Variants in BAZ2B observed in about 807,000 individuals in gnomAD.
BAZ2B encodes bromodomain adjacent to zinc finger domain 2B.
In BAZ2B, 91 loss-of-function variants were observed where a neutral mutation model predicts 246.0. The observed-to-expected ratio is 0.37, with a 90% confidence interval of 0.31 to 0.44. The LOEUF (loss-of-function observed/expected upper bound fraction) is 0.44. Ranked by LOEUF, BAZ2B falls within the 20% of genes least tolerant of loss-of-function variation. BAZ2B has a pLI of 1.00. For synonymous variants in BAZ2B, 855 were observed against 860.0 expected (o/e 0.99, Z 0.10); for missense variants, 2,332 against 2,533.7 (o/e 0.92, Z 1.71).
intron 14 of BAZ2B, among the ~76,000 whole-genome samples, chr2:159,410,672 T>C (rs2149885846): frequency 6.6e-6 from 1 of 152,294 alleles, no homozygotes; most frequent in South Asian, 2.1e-4. Flanking sequence ...CTAATACACA[T>C]ACTAAGATAA....
intron 16 of BAZ2B, among the ~76,000 whole-genome samples, chr2:159,401,536 A>C (rs2149754164): frequency 6.6e-6 from 1 of 152,318 alleles, no homozygotes; most frequent in African/African-American, 2.4e-5. Context: ...TGAATAGCAT[A>C]ATATAACATT....
chr2:159,518,564 A>C (rs2083694473), intron 2 of BAZ2B, among the ~76,000 whole-genome samples: 1 of 152,200 alleles, frequency 6.6e-6, no homozygotes, highest in Non-Finnish European at 1.5e-5. Flanking sequence ...AGGAGGAAGA[A>C]AGTTTCCTAC....
chr2:159,554,861 A>G (rs535363349), intron 2 of BAZ2B, among the ~76,000 whole-genome samples: 12 of 152,244 alleles, frequency 7.9e-5, no homozygotes, highest in Non-Finnish European at 1.3e-4. Flanking sequence ...GTTTTTCTTT[A>G]GGTAATATAT....
the BAZ2B span, among the ~76,000 whole-genome samples, chr2:159,626,096 T>C: frequency 5.8e-4 from 88 of 151,504 alleles, no homozygotes; most frequent in Non-Finnish European, 1.2e-3. Flanking sequence ...CATTACATAA[T>C]AGTAAAGGGA....
intron 2 of BAZ2B, among the ~76,000 whole-genome samples, chr2:159,484,837 T>C (rs1159069031): frequency 6.9e-6 from 1 of 145,374 alleles, no homozygotes; most frequent in Admixed American, 6.8e-5. Flanking sequence ...AGCAAGGTAA[T>C]AAAAAAAAAA....
chr2:159,391,327 T>C (rs1423199090), intron 20 of BAZ2B, among the ~76,000 whole-genome samples: 3 of 152,104 alleles, frequency 2.0e-5, no homozygotes, highest in Non-Finnish European at 4.4e-5. Flanking sequence ...CTATATACCA[T>C]CTAAGGTTTG....
At chr2:159,649,027 G>A in the BAZ2B span, among the ~76,000 whole-genome samples, 1 of 152,114 alleles carries the variant, frequency 6.6e-6, no homozygotes, top group Non-Finnish European at 1.5e-5. Context: ...ATAGGTGTGT[G>A]GTGTTATCTG....
At chr2:159,372,367 A>G (rs954122078) in intron 27 of BAZ2B, among the ~76,000 whole-genome samples, 6 of 152,266 alleles carry the variant, frequency 3.9e-5, no homozygotes, top group Non-Finnish European at 5.9e-5. Flanking sequence ...AAGCACTAAC[A>G]TAACACTTTT....
intron 1 of BAZ2B, among the ~76,000 whole-genome samples, chr2:159,585,608 AAT>A (rs2151662290): frequency 6.6e-6 from 1 of 152,364 alleles, no homozygotes; most frequent in East Asian, 1.9e-4. Flanking sequence ...GCCATTTTTA[AAT>A]ATGTTAAGTA....
At chr2:159,531,321 AT>A (rs1207720693) in intron 2 of BAZ2B, among the ~76,000 whole-genome samples, 2 of 152,022 alleles carry the variant, frequency 1.3e-5, no homozygotes, top group South Asian at 2.1e-4. Context: ...TCTAAAAAAA[AT>A]TTTTTTCGAT....
the BAZ2B span, among the ~76,000 whole-genome samples, chr2:159,675,614 G>C: frequency 6.6e-6 from 1 of 152,164 alleles, no homozygotes. Context: ...ATAATGTACA[G>C]AAAATGATTC....
chr2:159,681,112 C>T, the BAZ2B span, among the ~76,000 whole-genome samples: 4 of 151,860 alleles, frequency 2.6e-5, no homozygotes, highest in Admixed American at 2.0e-4. Flanking sequence ...ATCTAAATTC[C>T]AATACTGTAA....
chr2:159,433,298 C>T lies in BAZ2B; in HGVS notation c.1359G>A (p.Lys453=). 1.2e-6 allele frequency: 2 copies of T among 1,614,062 alleles called. No homozygotes were observed. Among genetic ancestry groups the T allele is most frequent in the Non-Finnish European group, 1.7e-6 (2 of 1,180,004 alleles). ...TTGGATTTGACAAAGCTGCAATAAC[C>T]TTCTTCAGGCTCTTCGATGACTCTT... ...KKQESSKSLK[K]VIAALSNPKA... is the part of the protein sequence containing the mutation. Residue 453 remains lysine (K), a synonymous_variant, in exon 9 of 37, where the codon AAG becomes AAA. Coordinates refer to ENST00000392783, the MANE Select transcript of BAZ2B (RefSeq NM_013450.4).
Position 159,383,680 on chromosome 2 carries a change from A to G in BAZ2B, c.3687T>C (p.Ser1229=). 1 of 1,609,222 alleles carries G rather than the reference A, an allele frequency of 6.2e-7. No homozygotes were observed. The highest frequency in any genetic ancestry group is 8.5e-7 in the Non-Finnish European group (1 of 1,177,436). The change falls in exon 24 of 37, where the codon AGT becomes AGC. Residue 1229 remains serine, a splice_region_variant and synonymous_variant. Coordinates refer to ENST00000392783, the MANE Select transcript of BAZ2B (RefSeq NM_013450.4). ...TATAATCAATGTTCTTGTCGATTTC[A>G]CTGCCAATGCAAGAATTTATTAAAA... ...NELACSKSVV[S]EIDKNIDYMS... is the part of the protein sequence containing the mutation.
At position 159,603,886 on chromosome 2, in the gene BAZ2B, T is replaced by C. The variant is rs2151776420; in HGVS notation, c.-46+12356A>G. Among the ~76,000 whole-genome samples the C allele has an allele frequency of 1.3e-5, 2 of 152,356 alleles. 1 individual carries two copies. The highest frequency in any genetic ancestry group is 4.1e-4 in the South Asian group (2 of 4,832). ...TTCATCTTTTGCAGGAATAGGTTCA[T>C]GACACTAACCTGCTGTTTCATTAAT... On this transcript the variant is annotated intron_variant, in intron 1 of 36. Transcript: ENST00000392783.
chr2:159,436,792 A>G (rs1451678608), intron 8 of BAZ2B, among the ~76,000 whole-genome samples: 1 of 152,086 alleles, frequency 6.6e-6, no homozygotes, highest in Non-Finnish European at 1.5e-5. Context: ...AAGAAAGCTG[A>G]CAGAAGATCT....
rs201453437 is a variant in BAZ2B, at chr2:159,605,194, A to AT, written c.-46+11047dup. 9.2e-3 allele frequency among the ~76,000 whole-genome samples: 1,376 copies of AT among 150,068 alleles called. 18 individuals carry two copies. The highest frequency in any genetic ancestry group is 0.03 in the African/African-American group (1,242 of 40,842). The stretch of plus-strand genomic sequence containing the variant: ...GGGTGCATGCCACCACACCCAGCTG[A>AT]TTTTTTTTTTTAAATTTTGTGTAGA... On this transcript the variant is annotated intron_variant, in intron 1 of 36. Transcript: ENST00000392783.
At position 159,321,458 on chromosome 2, in the gene BAZ2B, T is replaced by C. The variant is rs1166253927; in HGVS notation, c.6354-1040A>G. Reference sequence around the variant, plus strand: ...TATGAAAGAGATATTTGCACTCCTATGTTTGGTGCAGCACTGTTCACAATA... The same window carrying C: ...TATGAAAGAGATATTTGCACTCCTACGTTTGGTGCAGCACTGTTCACAATA... On this transcript the variant is annotated intron_variant, in intron 36 of 36. Transcript: ENST00000392783. Among the ~76,000 whole-genome samples the C allele has an allele frequency of 2.0e-5, 3 of 152,300 alleles. No individual in the cohort carries two copies. In the East Asian group the frequency reaches 5.8e-4, roughly 29 times the overall value.
chr2:159,700,387 T>C, the BAZ2B span, among the ~76,000 whole-genome samples: 5 of 152,370 alleles, frequency 3.3e-5, no homozygotes, highest in East Asian at 7.7e-4. Flanking sequence ...GTAAATGCTA[T>C]GTAAAAGTTG....
Sources: gnomAD v4.1 joint callset for allele counts (sites outside exome capture counted in the v4.1 genomes callset) on GRCh38, gnomAD v4.1.1 for gene constraint, MANE v1.5 for transcripts, NCBI Gene and HGNC (gene_info 2026-07-23, HGNC 2026-07-21) for gene names.